The following CEP57 variants were observed in gnomAD, a reference collection of about 807,000 sequenced individuals.
CEP57 encodes the protein centrosomal protein of 57 kDa.
Under a neutral mutation model 68.0 loss-of-function variants are expected in CEP57, and 40 were observed. That is an observed-to-expected ratio of 0.59 (90% CI 0.46 to 0.77). CEP57 has a LOEUF of 0.77. Ranked by LOEUF, CEP57 falls within the 30% of genes least tolerant of loss-of-function variation. The pLI is 0.00. For missense variants in CEP57, 606 were observed against 580.7 expected (o/e 1.04, Z -0.45); for synonymous variants, 219 against 198.7 (o/e 1.10, Z -0.86).
At chr11:95,792,751 A>G (rs1447750314) in intron 1 of CEP57, among the ~76,000 whole-genome samples, 1 of 152,188 alleles carries the variant, frequency 6.6e-6, no homozygotes, top group Admixed American at 6.5e-5. Context: ...CAAAATGTCT[A>G]TTTTGGAAGT....
In CEP57 at chr11:95,790,718, C is replaced by T. The variant is rs762244415; in HGVS notation, c.20C>T (p.Ser7Phe). The change falls in exon 1 of 11, where the codon TCT becomes TTT. Residue 7 changes from serine (S) to phenylalanine (F), a missense_variant. Coordinates refer to ENST00000325542, the MANE Select transcript of CEP57 (RefSeq NM_014679.5). The part of the protein sequence containing the change: MAAASV[S>F]AASGSHLSNS... The stretch of plus-strand genomic sequence containing the variant: ...TGAAAGATGGCGGCGGCGTCTGTCT[C>T]TGCGGCTTCTGGTTCTCACTTGTCG... 12 of 1,614,092 alleles carry T rather than the reference C, an allele frequency of 7.4e-6. No homozygotes were observed. The highest frequency in any genetic ancestry group is 1.6e-4 in the Middle Eastern group (1 of 6,062).
At position 95,813,023 on chromosome 11, in the gene CEP57, T is replaced by A. The variant is rs1862135973; in HGVS notation, c.294T>A (p.Ser98=). The part of the protein sequence containing the change: ...IQAEESVKTL[S]RETIEYKKVL... ...CAGAAGAAAGTGTGAAAACCTTGTC[T>A]AGAGAAACAATTGAATATAAGAAAG... Residue 98 remains serine, a synonymous_variant, in exon 3 of 11, where the codon TCT becomes TCA. Coordinates refer to ENST00000325542, the MANE Select transcript of CEP57 (RefSeq NM_014679.5). 1 of 1,613,760 alleles carries A rather than the reference T, an allele frequency of 6.2e-7. No individual in the cohort carries two copies. The highest frequency in any genetic ancestry group is 8.5e-7 in the Non-Finnish European group (1 of 1,179,920).
At chr11:95,812,722 G>A (rs1245024903) in intron 2 of CEP57, among the ~76,000 whole-genome samples, 1 of 152,084 alleles carries the variant, frequency 6.6e-6, no homozygotes, top group African/African-American at 2.4e-5. Context: ...TTACAGGTGT[G>A]AGCCACCGCA....
At chr11:95,793,735 A>G (rs1169242300) in intron 1 of CEP57, among the ~76,000 whole-genome samples, 1 of 152,232 alleles carries the variant, frequency 6.6e-6, no homozygotes, top group Admixed American at 6.5e-5. Context: ...TCAAATGAGC[A>G]AAATGAGGCA....
intron 2 of CEP57, 153 bp from the exon 3 acceptor site, chr11:95,812,779 T>A: frequency 1.4e-6 from 1 of 740,376 alleles, no homozygotes; most frequent in Non-Finnish European, 2.3e-6. Context: ...AAAACAAATA[T>A]GAGATAATTA....
At chr11:95,812,211 A>C (rs1307059709) in intron 2 of CEP57, among the ~76,000 whole-genome samples, 1 of 152,058 alleles carries the variant, frequency 6.6e-6, no homozygotes, top group African/African-American at 2.4e-5. Context: ...CCTATTAATA[A>C]AATGTATTAA....
intron 6 of CEP57, among the ~76,000 whole-genome samples, chr11:95,819,656 T>C (rs978444921): frequency 4.6e-5 from 7 of 152,220 alleles, no homozygotes; most frequent in African/African-American, 1.7e-4. Flanking sequence ...GATATTTGCA[T>C]GTATCTTTTT....
chr11:95,830,400 G>C (rs1348449405), intron 10 of CEP57, among the ~76,000 whole-genome samples: 1 of 152,142 alleles, frequency 6.6e-6, no homozygotes, highest in Non-Finnish European at 1.5e-5. Flanking sequence ...GGTCTAATTT[G>C]TTGCTTATAC....
chr11:95,790,468 T>C, upstream of CEP57: 1 of 597,310 alleles, frequency 1.7e-6, no homozygotes, highest in East Asian at 2.8e-5. Flanking sequence ...TTTGATTGGC[T>C]AGGAAAGACG....
At chr11:95,814,438 G>A (rs1290273090) in intron 4 of CEP57, among the ~76,000 whole-genome samples, 1 of 142,576 alleles carries the variant, frequency 7.0e-6, no homozygotes, top group African/African-American at 2.7e-5. Context: ...TCAGCTCACC[G>A]CAACCTCCAC....
In CEP57 at chr11:95,829,208, A is replaced by C. The variant is rs1322191236; in HGVS notation, c.1149A>C (p.Lys383Asn). Residue 383 changes from lysine (K) to asparagine (N), a missense_variant, in exon 10 of 11, where the codon AAA becomes AAC. Transcript: ENST00000325542. ...ATAGTGATCACCAGCAGCTTGCAAA[A>C]CTTATCCAGGAGTCGCCAACCGTTG... is the stretch of plus-strand genomic sequence containing the variant. ...QMSFDHQQLA[K>N]LIQESPTVEL... 4 of 1,613,964 alleles carry C rather than the reference A, an allele frequency of 2.5e-6. No individual in the cohort carries two copies. In the South Asian group the frequency reaches 3.3e-5, roughly 13 times the overall value.
intron 2 of CEP57, among the ~76,000 whole-genome samples, chr11:95,804,440 A>G (rs982605910): frequency 6.6e-6 from 1 of 152,226 alleles, no homozygotes; most frequent in Non-Finnish European, 1.5e-5. Flanking sequence ...GTTGGGGTAC[A>G]GTAGCAGAGA....
intron 4 of CEP57, among the ~76,000 whole-genome samples, chr11:95,814,819 G>A (rs1231918623): frequency 6.6e-6 from 1 of 152,012 alleles, no homozygotes; most frequent in Non-Finnish European, 1.5e-5. Flanking sequence ...AAAAATACTA[G>A]GCAGTTGTCC....
At chr11:95,797,547 A>C (rs1486380476) in intron 1 of CEP57, among the ~76,000 whole-genome samples, 2 of 152,152 alleles carry the variant, frequency 1.3e-5, no homozygotes, top group Non-Finnish European at 2.9e-5. Context: ...ACCTGAAGCT[A>C]CCTAGGTGCC....
upstream of CEP57, chr11:95,790,143 G>T (rs1860938839): frequency 1.8e-5 from 3 of 170,172 alleles, no homozygotes; most frequent in African/African-American, 7.2e-5. Flanking sequence ...TGGCCAAAAG[G>T]TAAATACTTC....
intron 2 of CEP57, among the ~76,000 whole-genome samples, chr11:95,809,701 ATAAT>A (rs1861964780): frequency 6.6e-6 from 1 of 152,222 alleles, no homozygotes; most frequent in Admixed American, 6.5e-5. Flanking sequence ...AATTGAGGCA[ATAAT>A]TAATAGCCTG....
intron 4 of CEP57, among the ~76,000 whole-genome samples, chr11:95,816,872 G>A (rs918171543): frequency 4.6e-5 from 7 of 152,090 alleles, no homozygotes; most frequent in East Asian, 1.9e-4. Context: ...TTAGCTGGGC[G>A]TGGTGGCAGG....
rs550745043 is a variant in CEP57 at position 95,810,571 on chromosome 11, A to G, written c.203-2361A>G. On this transcript the variant is annotated intron_variant, in intron 2 of 10. Coordinates refer to ENST00000325542, the MANE Select transcript of CEP57 (RefSeq NM_014679.5). ...ATACACCAATAACAGACACACAGCC[A>G]AATCATGAGTGAACTCTCATTCACA... 4.6e-5 allele frequency among the ~76,000 whole-genome samples: 7 copies of G among 152,326 alleles called. No individual in the cohort carries two copies. The South Asian group carries it at 1.4e-3, about 32-fold the overall frequency.
Position 95,831,312 on chromosome 11 carries a change from A to G in CEP57, c.*56A>G. 8.0e-7 allele frequency: 1 copy of G among 1,253,752 alleles called. No homozygotes were observed. The highest frequency in any genetic ancestry group is 1.2e-6 in the Non-Finnish European group (1 of 862,446). The allele number at this position is 1,253,752 out of a possible 1,614,324, so 77.7% of individuals were successfully genotyped here. ...TAATCTGTACCTCATCAATCAGATGATGACAATTTACTTCCCAGGTCTCAT... is the reference window on the plus strand; with the variant it reads ...TAATCTGTACCTCATCAATCAGATGGTGACAATTTACTTCCCAGGTCTCAT... On this transcript the variant is annotated 3_prime_UTR_variant, in exon 11 of 11. Transcript: ENST00000325542.
Sources: gnomAD v4.1 joint callset for allele counts (sites outside exome capture counted in the v4.1 genomes callset) on GRCh38, gnomAD v4.1.1 for gene constraint, MANE v1.5 for transcripts, NCBI Gene and HGNC (gene_info 2026-07-23, HGNC 2026-07-21) for gene names.